ANXA5: variants seen among roughly 807,000 people sequenced by gnomAD.
ANXA5 encodes CBP-I.
In ANXA5, 40 loss-of-function variants were observed where a neutral mutation model predicts 48.1. That is an observed-to-expected ratio of 0.83 (90% CI 0.65 to 1.08). The LOEUF is 1.08. Ranked by LOEUF, ANXA5 falls within the 50% of genes least tolerant of loss-of-function variation. ANXA5 has a pLI of 0.00. For synonymous variants in ANXA5, 113 were observed against 129.1 expected, an observed-to-expected ratio of 0.88 and a Z score of 0.85; for missense variants, 357 against 376.8, an observed-to-expected ratio of 0.95 and a Z score of 0.44.
At chr4:121,691,140 AT>A (rs1724976946) in intron 2 of ANXA5, among the ~76,000 whole-genome samples, 1 of 151,528 alleles carries the variant, frequency 6.6e-6, no homozygotes, top group Non-Finnish European at 1.5e-5. Context: ...AATTCCCTTT[AT>A]CTGCTACCAC....
At chr4:121,679,271 C>A (rs566235448) in intron 6 of ANXA5, among the ~76,000 whole-genome samples, 6 of 152,296 alleles carry the variant, frequency 3.9e-5, no homozygotes, top group African/African-American at 1.4e-4. Context: ...TTAATTCTTT[C>A]TTCTACACCA....
chr4:121,677,009 T>G (rs928947131), intron 8 of ANXA5, among the ~76,000 whole-genome samples: 8 of 152,252 alleles, frequency 5.3e-5, no homozygotes, highest in Middle Eastern at 3.4e-3. Flanking sequence ...AGTTCTTTTT[T>G]TCTCTCCAGC....
chr4:121,695,144 A>G (rs974330761), intron 2 of ANXA5, among the ~76,000 whole-genome samples: 3 of 152,254 alleles, frequency 2.0e-5, no homozygotes, highest in African/African-American at 7.2e-5. Flanking sequence ...CCACACCAGC[A>G]TATCAAGATA....
At chr4:121,684,447 T>C (rs1346574019) in intron 4 of ANXA5, among the ~76,000 whole-genome samples, 1 of 152,132 alleles carries the variant, frequency 6.6e-6, no homozygotes, top group African/African-American at 2.4e-5. Context: ...ACAGGATCTT[T>C]TGGCACCTCT....
Position 121,671,558 on chromosome 4 carries a change from A to T in ANXA5, c.710T>A (p.Leu237His), listed in dbSNP as rs779278469. 2 of 1,611,322 alleles carry T rather than the reference A, an allele frequency of 1.2e-6. No homozygotes were observed. The highest frequency in any genetic ancestry group is 2.2e-5 in the East Asian group (1 of 44,846). Residue 237 changes from leucine to histidine, a missense_variant, in exon 10 of 13, where the codon CTC (leucine) becomes CAC (histidine). By Grantham distance (99) the Leu-to-His change is moderately conservative (BLOSUM62 -3). Transcript: ENST00000296511. Reference sequence around the variant, plus strand: ...TGTAAATCACCTACCAACAGCAAGGAGTAGTTGCTCTAAATTGCCAGAAGT... The same window carrying T: ...TGTAAATCACCTACCAACAGCAAGGTGTAGTTGCTCTAAATTGCCAGAAGT... ...RETSGNLEQL[L>H]LAVVKSIRSI...
chr4:121,695,841 A>AG (rs1725070252), intron 2 of ANXA5, among the ~76,000 whole-genome samples: 1 of 151,660 alleles, frequency 6.6e-6, no homozygotes, highest in Admixed American at 6.6e-5. Context: ...CAGAGGTTGT[A>AG]GTGAGCGAGA....
chr4:121,695,202 C>G (rs1725057486), intron 2 of ANXA5, among the ~76,000 whole-genome samples: 1 of 152,168 alleles, frequency 6.6e-6, no homozygotes, highest in Non-Finnish European at 1.5e-5. Flanking sequence ...AGTATCCTTT[C>G]TATGGAGAAG....
rs752790362 is a variant in ANXA5, at chr4:121,671,622, T to A, written c.646A>T (p.Ile216Leu). The A allele has an allele frequency of 1.2e-6, 2 of 1,612,246 alleles. No homozygotes were observed. The highest frequency in any genetic ancestry group is 1.7e-6 in the Non-Finnish European group (2 of 1,178,608). The change falls in exon 10 of 13, where the codon ATA becomes TTA. Residue 216 changes from isoleucine to leucine, a missense_variant. Physicochemically the swap from Ile to Leu is conservative, Grantham distance 5. Coordinates refer to ENST00000296511, the MANE Select transcript of ANXA5 (RefSeq NM_001154.4). ...GTTTCCTCAATTTGAAATCCTGATATAGTCATGTACTTGTCAAACACTAGA... is the reference window on the plus strand; with the variant it reads ...GTTTCCTCAATTTGAAATCCTGATAAAGTCATGTACTTGTCAAACACTAGA... The part of the protein sequence containing the change: ...LRKVFDKYMT[I>L]SGFQIEETID...
In ANXA5 at chr4:121,677,947, T is replaced by G; in HGVS notation, c.478A>C (p.Asn160His). 1.9e-6 allele frequency: 3 copies of G among 1,613,686 alleles called. No homozygotes were observed. The highest frequency in any genetic ancestry group is 2.5e-6 in the Non-Finnish European group (3 of 1,179,640). ...TCAATTCCAGCATCAGGGTCTCTGT[T>G]AGCCTATGAGAGGTAATATGTCACA... ...QRMLVVLLQA[N>H]RDPDAGIDEA... Residue 160 changes from asparagine (N) to histidine (H), a missense_variant, in exon 8 of 13, where the codon AAC becomes CAC. Physicochemically the swap from Asn to His is moderately conservative, Grantham distance 68. Transcript: ENST00000296511.
Position 121,678,535 on chromosome 4 carries a change from A to G in ANXA5, c.395-41T>C. 3 of 1,510,434 alleles carry G rather than the reference A, an allele frequency of 2.0e-6. No homozygotes were observed. In the South Asian group the frequency reaches 3.5e-5, roughly 18 times the overall value. The allele number at this position is 1,510,434 out of a possible 1,614,324, so 93.6% of individuals were successfully genotyped here. A position where few individuals can be genotyped will look rare whatever the true frequency, so the allele number is the denominator to read the frequency against. ...TTCATACTTATTTACATCTTCTTTC[A>G]ACTAGAAAAGTAATCTTGCCCCATT... On this transcript the variant is annotated intron_variant, in intron 6 of 12. Coordinates refer to ENST00000296511, the MANE Select transcript of ANXA5 (RefSeq NM_001154.4).
chr4:121,677,988 G>GC (rs760587265), intron 7 of ANXA5, 38 bp from the exon 8 acceptor site: 1 of 1,550,262 alleles, frequency 6.5e-7, no homozygotes. Context: ...GAACTATAGA[G>GC]CATTCTCATT....
chr4:121,670,548 G>A (rs997536686), intron 10 of ANXA5, among the ~76,000 whole-genome samples: 2 of 152,062 alleles, frequency 1.3e-5, no homozygotes, highest in African/African-American at 4.8e-5. Flanking sequence ...ATATCAGAAA[G>A]GATCTCTTCT....
intron 5 of ANXA5, among the ~76,000 whole-genome samples, chr4:121,682,243 C>A (rs1397594692): frequency 6.6e-6 from 1 of 152,074 alleles, no homozygotes; most frequent in Non-Finnish European, 1.5e-5. Context: ...GAAAATTCTA[C>A]ATCAAAGGTA....
rs141942146 is a variant in ANXA5, at chr4:121,668,240, T to A, written c.*228A>T. 8.9e-4 allele frequency: 344 copies of A among 384,778 alleles called. 4 individuals carry two copies. The East Asian group carries it at 0.014, about 15-fold the overall frequency. The allele number at this position is 384,778 out of a possible 1,614,324, so 23.8% of individuals were successfully genotyped here. A position where few individuals can be genotyped will look rare whatever the true frequency, so the allele number is the denominator to read the frequency against. On this transcript the variant is annotated 3_prime_UTR_variant, in exon 13 of 13. Coordinates refer to ENST00000296511, the MANE Select transcript of ANXA5 (RefSeq NM_001154.4). ...AATGGAAAATGGCCAGGCATTAAAC[T>A]TAGTAACATTAAGTACACTTTAGTA...
intron 8 of ANXA5, among the ~76,000 whole-genome samples, chr4:121,673,702 G>A (rs1182980164): frequency 6.6e-6 from 1 of 151,878 alleles, no homozygotes; most frequent in Non-Finnish European, 1.5e-5. Flanking sequence ...ATCAATTCTG[G>A]CCATGTGAAC....
intron 2 of ANXA5, among the ~76,000 whole-genome samples, chr4:121,689,819 AAACT>A (rs1387996279): frequency 1.3e-5 from 2 of 152,226 alleles, no homozygotes; most frequent in Non-Finnish European, 2.9e-5. Flanking sequence ...GACTGCTTAG[AAACT>A]AACAACACAA....
chr4:121,669,492 C>T (rs1724575626), intron 12 of ANXA5, 110 bp downstream of exon 12: 2 of 1,374,166 alleles, frequency 1.5e-6, no homozygotes, highest in East Asian at 2.3e-5. Context: ...AATCGTGTCA[C>T]TAAAATTTTA....
chr4:121,696,681 C>G (rs1725089488), intron 1 of ANXA5, 57 bp from the exon 2 acceptor site: 2 of 1,190,928 alleles, frequency 1.7e-6, no homozygotes, highest in South Asian at 3.1e-5. Flanking sequence ...GTGCCCTCCC[C>G]AAGCGCAGGT....
At chr4:121,685,158 G>A (rs1273821801) in intron 3 of ANXA5, among the ~76,000 whole-genome samples, 1 of 151,446 alleles carries the variant, frequency 6.6e-6, no homozygotes, top group African/African-American at 2.4e-5. Context: ...TATATAAAAT[G>A]TTACGTTTCC....
Sources: gnomAD v4.1 joint callset for allele counts (sites outside exome capture counted in the v4.1 genomes callset) on GRCh38, gnomAD v4.1.1 for gene constraint, MANE v1.5 for transcripts, NCBI Gene and HGNC (gene_info 2026-07-23, HGNC 2026-07-21) for gene names.